TWSG1: variants seen among roughly 807,000 people sequenced by gnomAD.
TWSG1 encodes twisted gastrulation protein homolog 1.
Under a neutral mutation model 23.0 loss-of-function variants are expected in TWSG1, and 15 were observed. The ratio of observed to expected loss-of-function variants is 0.65; its 90% CI spans 0.44 to 1.00. TWSG1 has a LOEUF of 1.00. Ranked by LOEUF, TWSG1 falls within the 50% of genes least tolerant of loss-of-function variation. TWSG1 has a pLI of 0.00. For missense variants in TWSG1, 242 were observed against 278.7 expected, an observed-to-expected ratio of 0.87 and a Z score of 0.94; for synonymous variants, 86 against 92.8, an observed-to-expected ratio of 0.93 and a Z score of 0.42.
chr18:9,374,949 C>T (rs144760023), intron 3 of TWSG1, among the ~76,000 whole-genome samples: 4 of 152,174 alleles, frequency 2.6e-5, no homozygotes, highest in Non-Finnish European at 4.4e-5. Flanking sequence ...GGCCAGATCA[C>T]GAGGTCAGGA....
At chr18:9,341,809 TA>T (rs56396800) in intron 2 of TWSG1, among the ~76,000 whole-genome samples, 18,079 of 151,684 alleles carry the variant, frequency 0.12, 1,243 homozygotes, top group Middle Eastern at 0.26. Context: ...TTTATTTTAT[TA>T]TTTTTTTTTT....
intron 3 of TWSG1, among the ~76,000 whole-genome samples, chr18:9,371,432 G>A (rs1203414500): frequency 6.6e-6 from 1 of 151,834 alleles, no homozygotes; most frequent in East Asian, 1.9e-4. Context: ...GAGTAGCTAG[G>A]ACTACAGGCA....
chr18:9,345,459 T>C (rs537648396), intron 2 of TWSG1, among the ~76,000 whole-genome samples: 1 of 152,334 alleles, frequency 6.6e-6, no homozygotes, highest in African/African-American at 2.4e-5. Context: ...AAGCCTGCAG[T>C]GAAGTAGGGA....
intron 3 of TWSG1, among the ~76,000 whole-genome samples, chr18:9,371,478 G>A (rs2040604947): frequency 1.3e-5 from 2 of 152,052 alleles, no homozygotes; most frequent in South Asian, 2.1e-4. Flanking sequence ...TGTATTTTTA[G>A]TAGAGACAGG....
At chr18:9,340,675 C>T (rs1462673884) in intron 2 of TWSG1, among the ~76,000 whole-genome samples, 1 of 152,108 alleles carries the variant, frequency 6.6e-6, no homozygotes, top group Non-Finnish European at 1.5e-5. Context: ...CTCTGTTCCA[C>T]GTGGCATTAG....
intron 4 of TWSG1, among the ~76,000 whole-genome samples, chr18:9,397,827 A>G (rs1487028515): frequency 6.6e-6 from 1 of 152,072 alleles, no homozygotes; most frequent in Non-Finnish European, 1.5e-5. Flanking sequence ...CCAACATGAG[A>G]GACCTCGTCT....
At chr18:9,346,313 G>C (rs994166485) in intron 2 of TWSG1, among the ~76,000 whole-genome samples, 7 of 152,200 alleles carry the variant, frequency 4.6e-5, no homozygotes, top group Admixed American at 4.6e-4. Context: ...TCTTTTCATG[G>C]CTTGATAATG....
rs2145628356 is a variant in TWSG1 at position 9,385,581 on chromosome 18, C to T, written c.224-10699C>T. 2.2e-5 allele frequency among the ~76,000 whole-genome samples: 2 copies of T among 90,420 alleles called. 1 individual carries two copies. The highest frequency in any genetic ancestry group is 5.0e-4 in the East Asian group (2 of 3,964). 59.3% of individuals were successfully genotyped at this position (90,420 alleles called of 152,430 possible). A position where few individuals can be genotyped will look rare whatever the true frequency, so the allele number is the denominator to read the frequency against. ...GCGGGCGCCTGTAGTCCCAGCTACTCGGGAGGCTGAGGCAGGAGAATGGCG... is the reference window on the plus strand; with the variant it reads ...GCGGGCGCCTGTAGTCCCAGCTACTTGGGAGGCTGAGGCAGGAGAATGGCG... On this transcript the variant is annotated intron_variant, in intron 3 of 4. Coordinates refer to ENST00000262120, the MANE Select transcript of TWSG1 (RefSeq NM_020648.6).
chr18:9,337,758 C>G (rs2040429376), intron 2 of TWSG1, among the ~76,000 whole-genome samples: 1 of 152,150 alleles, frequency 6.6e-6, no homozygotes, highest in South Asian at 2.1e-4. Flanking sequence ...TGCTATGTAA[C>G]AAATTACCCC....
chr18:9,357,060 A>T (rs1404205989), intron 2 of TWSG1, among the ~76,000 whole-genome samples: 1 of 152,018 alleles, frequency 6.6e-6, no homozygotes, highest in Non-Finnish European at 1.5e-5. Flanking sequence ...TTTTACTCCA[A>T]AGACAAAGTA....
intron 3 of TWSG1, among the ~76,000 whole-genome samples, chr18:9,386,316 C>T (rs912049415): frequency 2.5e-4 from 29 of 117,744 alleles, no homozygotes; most frequent in African/African-American, 1.0e-3. Flanking sequence ...AAAAATTAGC[C>T]GGGCGTGGTA....
In TWSG1 at chr18:9,342,994, A is replaced by G. The variant is rs552692038; in HGVS notation, c.123+5642A>G. Among the ~76,000 whole-genome samples, 17 of 152,248 alleles carry G rather than the reference A, an allele frequency of 1.1e-4. No homozygotes were observed. In the South Asian group the frequency reaches 1.5e-3, roughly 13 times the overall value. The stretch of plus-strand genomic sequence containing the variant: ...TATCTAATAGCATTCCATATTGCCA[A>G]TAAGAAGTCTGATGCCAGTCTGTTT... On this transcript the variant is annotated intron_variant, in intron 2 of 4. Coordinates refer to ENST00000262120, the MANE Select transcript of TWSG1 (RefSeq NM_020648.6).
chr18:9,354,596 T>A (rs888103934), intron 2 of TWSG1, among the ~76,000 whole-genome samples: 1 of 152,160 alleles, frequency 6.6e-6, no homozygotes, highest in Non-Finnish European at 1.5e-5. Context: ...TGATAAAAAA[T>A]GAGAAAGTGG....
chr18:9,367,501 G>C (rs536798629), intron 3 of TWSG1, among the ~76,000 whole-genome samples: 338 of 152,180 alleles, frequency 2.2e-3, no homozygotes, highest in African/African-American at 7.6e-3. Context: ...CATCCATGTT[G>C]TAAATCAGGG....
In TWSG1 at chr18:9,353,173, G is replaced by GTA. The variant is rs373128899; in HGVS notation, c.124-6796_124-6795dup. On this transcript the variant is annotated intron_variant, in intron 2 of 4. Coordinates refer to ENST00000262120, the MANE Select transcript of TWSG1 (RefSeq NM_020648.6). Reference sequence around the variant, plus strand: ...ATAGCAGGCTCTACCATGTAGGTTTGTATAAGTATATACTGATATTCATAT... The same window carrying GTA: ...ATAGCAGGCTCTACCATGTAGGTTTGTATATAAGTATATACTGATATTCATAT... Among the ~76,000 whole-genome samples the GTA allele has an allele frequency of 6.8e-3, 1,030 of 152,204 alleles. 7 individuals carry two copies. Among genetic ancestry groups the GTA allele is most frequent in the African/African-American group, 0.023 (951 of 41,530 alleles).
chr18:9,382,039 A>G (rs961784874), intron 3 of TWSG1, among the ~76,000 whole-genome samples: 5 of 151,672 alleles, frequency 3.3e-5, no homozygotes, highest in Admixed American at 1.3e-4. Flanking sequence ...TAGAATAACT[A>G]TACTTATTTA....
chr18:9,374,904 A>T (rs1331154021), intron 3 of TWSG1, among the ~76,000 whole-genome samples: 1 of 152,208 alleles, frequency 6.6e-6, no homozygotes. Flanking sequence ...GCGGTGGCTC[A>T]CGCCTGTAAT....
intron 3 of TWSG1, among the ~76,000 whole-genome samples, chr18:9,373,006 A>C (rs1018870507): frequency 6.6e-6 from 1 of 150,772 alleles, no homozygotes; most frequent in African/African-American, 2.4e-5. Context: ...TGTTACCTAC[A>C]AGAAACCCAC....
chr18:9,348,730 G>A (rs1333021139), intron 2 of TWSG1, among the ~76,000 whole-genome samples: 1 of 152,140 alleles, frequency 6.6e-6, no homozygotes, highest in Non-Finnish European at 1.5e-5. Context: ...CTTTAAGAAA[G>A]ACAAAGATGC....
Sources: allele counts gnomAD v4.1 joint callset (sites outside exome capture counted in the v4.1 genomes callset), GRCh38; gene constraint gnomAD v4.1.1; transcripts MANE v1.5; gene names NCBI Gene and HGNC (gene_info 2026-07-23, HGNC 2026-07-21).